The following CD244 variants were observed in gnomAD, a reference collection of about 807,000 sequenced individuals.
CD244 encodes the protein natural killer cell receptor 2B4.
A neutral mutation model predicts 45.5 loss-of-function variants in CD244; 20 were observed. That is an observed-to-expected ratio of 0.44 (90% CI 0.31 to 0.64). The LOEUF is 0.64. CD244 is among the 30% of genes least tolerant of loss of function. The pLI is 0.08. For missense variants in CD244, 407 were observed against 426.9 expected (o/e 0.95, Z 0.41); for synonymous variants, 185 against 160.5 (o/e 1.15, Z -1.15).
chr1:160,853,782 TAAAAAAAAA>T (rs5778184), intron 1 of CD244, among the ~76,000 whole-genome samples: 47,777 of 95,932 alleles, frequency 0.5, 9,311 homozygotes, highest in East Asian at 0.62. Context: ...AGACCCTGCC[TAAAAAAAAA>T]AAAAAAAAAA....
At chr1:160,854,115 T>G (rs547246624) in intron 1 of CD244, among the ~76,000 whole-genome samples, 1 of 152,286 alleles carries the variant, frequency 6.6e-6, no homozygotes, top group African/African-American at 2.4e-5. Flanking sequence ...GTTTGGAGAA[T>G]GGGGTGATGG....
intron 1 of CD244, among the ~76,000 whole-genome samples, chr1:160,846,681 T>G (rs1485925990): frequency 6.6e-6 from 1 of 152,070 alleles, no homozygotes; most frequent in East Asian, 1.9e-4. Flanking sequence ...AGTAATAATT[T>G]TTTAAATGAA....
At chr1:160,847,809 A>G (rs964574941) in intron 1 of CD244, among the ~76,000 whole-genome samples, 3 of 152,166 alleles carry the variant, frequency 2.0e-5, no homozygotes, top group African/African-American at 7.2e-5. Context: ...TAATTCAAAT[A>G]ATGATGATGA....
chr1:160,842,876 T>A (rs974688781), intron 1 of CD244, among the ~76,000 whole-genome samples: 4 of 152,160 alleles, frequency 2.6e-5, no homozygotes, highest in African/African-American at 9.7e-5. Context: ...AACTGGAAGT[T>A]CCTACAGCCA....
At chr1:160,834,556 T>G (rs1669258745) in intron 6 of CD244, among the ~76,000 whole-genome samples, 1 of 152,196 alleles carries the variant, frequency 6.6e-6, no homozygotes, top group African/African-American at 2.4e-5. Context: ...TTTCACCATG[T>G]GGGCCAGGCT....
At chr1:160,834,179 A>G in intron 6 of CD244, 63 bp from the exon 7 acceptor site, 1 of 1,241,860 alleles carries the variant, frequency 8.1e-7, no homozygotes, top group East Asian at 2.3e-5. Flanking sequence ...TACAAAGGTT[A>G]TCTCTTCCGT....
At chr1:160,839,599 G>A (rs12073515) in intron 3 of CD244, among the ~76,000 whole-genome samples, 3,336 of 152,216 alleles carry the variant, frequency 0.022, 109 homozygotes, top group African/African-American at 0.073. Context: ...CATTGTATCA[G>A]GCATTATAAC....
At chr1:160,838,173 T>C (rs768780780) in intron 5 of CD244, among the ~76,000 whole-genome samples, 2 of 152,228 alleles carry the variant, frequency 1.3e-5, no homozygotes, top group Non-Finnish European at 2.9e-5. Context: ...GCCTCTGTCA[T>C]TGATTTCTGT....
chr1:160,850,788 C>A (rs781271165), intron 1 of CD244, among the ~76,000 whole-genome samples: 4 of 152,184 alleles, frequency 2.6e-5, no homozygotes, highest in Non-Finnish European at 5.9e-5. Flanking sequence ...CTTCAGTGGA[C>A]ACCAACTGGA....
intron 6 of CD244, among the ~76,000 whole-genome samples, chr1:160,835,370 C>T (rs1031807912): frequency 6.6e-6 from 1 of 152,142 alleles, no homozygotes; most frequent in East Asian, 1.9e-4. Context: ...TGACCTGAGT[C>T]TCGGTTTCCT....
At chr1:160,861,892 A>C (rs1212172797) in intron 1 of CD244, among the ~76,000 whole-genome samples, 1 of 152,200 alleles carries the variant, frequency 6.6e-6, no homozygotes, top group Non-Finnish European at 1.5e-5. Context: ...TAATTCAATT[A>C]AATTAAATGC....
rs139335276 is a variant in CD244, at chr1:160,831,372, A to C, written c.1073T>G (p.Leu358Arg). ...CTAGGAATAAACATCAAAGTTCTCC[A>C]GCTCTTTGCGGCTCAATCGAGCAGG... ...QNPARLSRKE[L>R]ENFDVYS The change falls in exon 9 of 9, where the codon CTG (leucine) becomes CGG (arginine). Residue 358 changes from leucine to arginine, a missense_variant. By Grantham distance (102) the Leu-to-Arg change is moderately radical. Coordinates refer to ENST00000368034, the MANE Select transcript of CD244 (RefSeq NM_016382.4). 7.0e-5 allele frequency: 113 copies of C among 1,614,124 alleles called. No homozygotes were observed. In the African/African-American group the frequency reaches 1.2e-3, roughly 17 times the overall value.
chr1:160,849,283 C>CTTTTT (rs371170555), intron 1 of CD244, among the ~76,000 whole-genome samples: 24,461 of 138,842 alleles, frequency 0.18, 2,607 homozygotes, highest in East Asian at 0.34. Context: ...CCATCTCTTT[C>CTTTTT]TTTTTTTTTT....
intron 1 of CD244, among the ~76,000 whole-genome samples, chr1:160,858,156 T>C (rs12037740): frequency 0.25 from 37,404 of 151,816 alleles, 4,961 homozygotes; most frequent in East Asian, 0.4. Flanking sequence ...GATGGTGCTG[T>C]AGCCCAGGGT....
chr1:160,832,722 A>G, intron 7 of CD244, 147 bp from the exon 8 acceptor site: 1 of 1,516,100 alleles, frequency 6.6e-7, no homozygotes, highest in Non-Finnish European at 8.9e-7. Context: ...CTGTCACCCT[A>G]GGAGCAAAAC....
intron 1 of CD244, among the ~76,000 whole-genome samples, chr1:160,860,494 T>C (rs866433193): frequency 6.6e-6 from 1 of 152,140 alleles, no homozygotes; most frequent in Non-Finnish European, 1.5e-5. Flanking sequence ...AATATGTGAA[T>C]ATGGAAAGCA....
At chr1:160,833,393 G>A (rs1669209207) in intron 7 of CD244, among the ~76,000 whole-genome samples, 1 of 152,108 alleles carries the variant, frequency 6.6e-6, no homozygotes, top group Non-Finnish European at 1.5e-5. Flanking sequence ...AAGGCTTTCT[G>A]GCTTCACACT....
intron 1 of CD244, among the ~76,000 whole-genome samples, chr1:160,856,752 G>T (rs1379600530): frequency 6.6e-6 from 1 of 152,076 alleles, no homozygotes; most frequent in Non-Finnish European, 1.5e-5. Context: ...AGCATAATAA[G>T]GGCTGGGGAA....
At chr1:160,861,324 A>C (rs749976253) in intron 1 of CD244, among the ~76,000 whole-genome samples, 1 of 152,144 alleles carries the variant, frequency 6.6e-6, no homozygotes, top group Non-Finnish European at 1.5e-5. Context: ...CTGAGCCTTG[A>C]CTGTGTCTTC....
Sources: gnomAD v4.1 joint callset for allele counts (sites outside exome capture counted in the v4.1 genomes callset) on GRCh38, gnomAD v4.1.1 for gene constraint, MANE v1.5 for transcripts, NCBI Gene and HGNC (gene_info 2026-07-23, HGNC 2026-07-21) for gene names.